Variants in CDH12 observed in about 807,000 individuals in gnomAD.
CDH12 encodes the protein cadherin-12.
In CDH12, 41 loss-of-function variants were observed where a neutral mutation model predicts 74.1. The observed-to-expected ratio is 0.55, with a 90% CI of 0.43 to 0.72. The LOEUF (loss-of-function observed/expected upper bound fraction) is 0.72, where lower values mean the gene tolerates loss of function less well. Among genes scored for constraint, CDH12 ranks in the 30% least tolerant of loss-of-function variants. The probability of loss-of-function intolerance (pLI) is 0.00; values close to 1 mark genes in which losing one functional copy is unlikely to be tolerated. For missense variants in CDH12, 945 were observed against 977.2 expected (o/e 0.97, Z 0.44); for synonymous variants, 399 against 355.0 (o/e 1.12, Z -1.39).
intron 8 of CDH12, among the ~76,000 whole-genome samples, chr5:21,830,332 G>T (rs1267255119): frequency 3.3e-5 from 5 of 149,970 alleles, no homozygotes; most frequent in Admixed American, 2.0e-4. Context: ...AAAAGAGAAA[G>T]AGAGGAAAAT....
At chr5:22,363,324 G>C (rs780554766) in intron 3 of CDH12, among the ~76,000 whole-genome samples, 10 of 151,946 alleles carry the variant, frequency 6.6e-5, no homozygotes, top group Non-Finnish European at 1.0e-4. Context: ...TGTCTTTCCA[G>C]GTTTATATAA....
intron 5 of CDH12, among the ~76,000 whole-genome samples, chr5:22,013,219 G>A (rs1392610523): frequency 2.0e-5 from 3 of 152,176 alleles, no homozygotes; most frequent in South Asian, 4.1e-4. Flanking sequence ...AGGGAAGCAA[G>A]GAATCTTCTT....
At chr5:21,840,588 C>T (rs1323782921) in intron 8 of CDH12, among the ~76,000 whole-genome samples, 1 of 152,174 alleles carries the variant, frequency 6.6e-6, no homozygotes, top group Non-Finnish European at 1.5e-5. Flanking sequence ...AGGCATCACA[C>T]TACCTGACTT....
At chr5:22,707,798 A>G (rs1365514111) in intron 1 of CDH12, among the ~76,000 whole-genome samples, 1 of 152,164 alleles carries the variant, frequency 6.6e-6, no homozygotes, top group East Asian at 1.9e-4. Flanking sequence ...ATTTGATGCT[A>G]AAACTTTTTT....
chr5:22,809,440 A>T (rs1057347368), intron 1 of CDH12, among the ~76,000 whole-genome samples: 5 of 151,800 alleles, frequency 3.3e-5, no homozygotes, highest in Non-Finnish European at 5.9e-5. Flanking sequence ...AATATAAATA[A>T]ATAATATGAT....
At chr5:21,794,393 C>T (rs924910771) in intron 10 of CDH12, among the ~76,000 whole-genome samples, 6 of 151,588 alleles carry the variant, frequency 4.0e-5, no homozygotes, top group Admixed American at 2.6e-4. Context: ...ATGCAAAAAC[C>T]AACTTCAGAG....
chr5:22,675,870 CATATAT>C (rs144687047), intron 1 of CDH12, among the ~76,000 whole-genome samples: 2 of 92,156 alleles, frequency 2.2e-5, no homozygotes, highest in African/African-American at 4.0e-5. Flanking sequence ...TTTTGTATCT[CATATAT>C]ATATATATAT....
At chr5:22,372,661 G>A (rs945580123) in intron 3 of CDH12, among the ~76,000 whole-genome samples, 5 of 151,998 alleles carry the variant, frequency 3.3e-5, no homozygotes, top group East Asian at 1.9e-4. Context: ...ATGATGCTTC[G>A]GGCTGTTGTG....
chr5:21,997,172 G>A (rs1243340285), intron 5 of CDH12, among the ~76,000 whole-genome samples: 2 of 152,102 alleles, frequency 1.3e-5, no homozygotes, highest in Non-Finnish European at 2.9e-5. Context: ...GCAGCAAACA[G>A]GTTCAGAGTC....
intron 3 of CDH12, among the ~76,000 whole-genome samples, chr5:22,297,530 G>C (rs995447204): frequency 1.2e-4 from 19 of 152,122 alleles, no homozygotes; most frequent in African/African-American, 4.1e-4. Flanking sequence ...CACACTCCTT[G>C]ATAGGAACTA....
At chr5:22,657,280 C>T (rs1740096050) in intron 1 of CDH12, among the ~76,000 whole-genome samples, 1 of 152,102 alleles carries the variant, frequency 6.6e-6, no homozygotes, top group African/African-American at 2.4e-5. Context: ...TACGAGGATG[C>T]TTCGCTTCAG....
rs1216156352 is a variant in CDH12, at chr5:22,188,358, G to C, written c.-187+24140C>G. Among the ~76,000 whole-genome samples, 3 of 151,200 alleles carry C rather than the reference G, an allele frequency of 2.0e-5. No individual in the cohort carries two copies. In the East Asian group the frequency reaches 5.9e-4, roughly 30 times the overall value. On this transcript the variant is annotated intron_variant, in intron 4 of 14. Coordinates refer to ENST00000382254, the MANE Select transcript of CDH12 (RefSeq NM_004061.5). Reference sequence around the variant, plus strand: ...CACGAAAGCCCTTGCAAGAAACCAGGGGTATGGCCTTGAACTTCTCAGCCT... The same window carrying C: ...CACGAAAGCCCTTGCAAGAAACCAGCGGTATGGCCTTGAACTTCTCAGCCT...
At chr5:22,255,931 A>G (rs1753297806) in intron 3 of CDH12, among the ~76,000 whole-genome samples, 1 of 152,088 alleles carries the variant, frequency 6.6e-6, no homozygotes, top group South Asian at 2.1e-4. Context: ...CTTGCATTTC[A>G]TTACCTGAAA....
At position 22,685,110 on chromosome 5, in the gene CDH12, G is replaced by A. The variant is rs868134801; in HGVS notation, c.-523+167948C>T. Among the ~76,000 whole-genome samples the A allele has an allele frequency of 3.9e-5, 6 of 152,050 alleles. No individual in the cohort carries two copies. In the South Asian group the frequency reaches 1.2e-3, roughly 32 times the overall value. On this transcript the variant is annotated intron_variant, in intron 1 of 14. Coordinates refer to ENST00000382254, the MANE Select transcript of CDH12 (RefSeq NM_004061.5). Reference sequence around the variant, plus strand: ...AGCCCATCAGTTTTTGTTTTTAGTAGCTTTATTAAGATACAATTCATATAT... The same window carrying A: ...AGCCCATCAGTTTTTGTTTTTAGTAACTTTATTAAGATACAATTCATATAT...
chr5:22,292,344 T>G (rs1232076577), intron 3 of CDH12, among the ~76,000 whole-genome samples: 2 of 2,958 alleles, frequency 6.8e-4, no homozygotes, highest in Non-Finnish European at 0.056. Context: ...GGTTTTTGTT[T>G]TTTTTTTTTT....
intron 3 of CDH12, among the ~76,000 whole-genome samples, chr5:22,221,729 AAAC>A (rs1485559892): frequency 2.0e-5 from 3 of 152,066 alleles, no homozygotes; most frequent in Admixed American, 6.6e-5. Flanking sequence ...TAGTGGTCAA[AAAC>A]AACATCTAAA....
chr5:22,383,037 G>T (rs1415655299), intron 3 of CDH12, among the ~76,000 whole-genome samples: 1 of 151,992 alleles, frequency 6.6e-6, no homozygotes, highest in Non-Finnish European at 1.5e-5. Context: ...TCACTATGTT[G>T]GCCAGGCTGG....
At chr5:22,237,316 C>T (rs928492839) in intron 3 of CDH12, among the ~76,000 whole-genome samples, 1 of 152,148 alleles carries the variant, frequency 6.6e-6, no homozygotes, top group African/African-American at 2.4e-5. Flanking sequence ...TTCAAGTAAT[C>T]TGCCCAAACT....
chr5:22,590,505 T>A (rs976030914), intron 1 of CDH12, among the ~76,000 whole-genome samples: 2 of 152,176 alleles, frequency 1.3e-5, no homozygotes, highest in African/African-American at 4.8e-5. Context: ...AAATTGCTAA[T>A]CACTGCATTA....
Sources: gnomAD v4.1 joint callset for allele counts (sites outside exome capture counted in the v4.1 genomes callset) on GRCh38, gnomAD v4.1.1 for gene constraint, MANE v1.5 for transcripts, NCBI Gene and HGNC (gene_info 2026-07-23, HGNC 2026-07-21) for gene names.